Variants in FAM241A observed in about 807,000 individuals in gnomAD.
FAM241A encodes uncharacterized protein FAM241A.
Under a neutral mutation model 12.2 loss-of-function variants are expected in FAM241A, and 7 were observed. That is an observed-to-expected ratio of 0.58 (90% CI 0.33 to 1.08). FAM241A has a LOEUF of 1.08. Among genes scored for constraint, FAM241A ranks in the 50% least tolerant of loss-of-function variants. The probability of loss-of-function intolerance (pLI) is 0.04; values close to 1 mark genes in which losing one functional copy is unlikely to be tolerated. For missense variants in FAM241A, 161 were observed against 169.7 expected (o/e 0.95, Z 0.29); for synonymous variants, 74 against 68.2 (o/e 1.08, Z -0.42).
chr4:112,153,231 C>T (rs750692470), intron 1 of FAM241A, among the ~76,000 whole-genome samples: 4 of 152,070 alleles, frequency 2.6e-5, no homozygotes, highest in Non-Finnish European at 4.4e-5. Context: ...CCTTGTTGCT[C>T]ACTAATCCTT....
At chr4:112,175,389 C>A (rs550379596) in intron 1 of FAM241A, among the ~76,000 whole-genome samples, 5 of 152,040 alleles carry the variant, frequency 3.3e-5, no homozygotes, top group Admixed American at 6.5e-5. Flanking sequence ...ACAGAAAAAA[C>A]CTGTCTCTTT....
chr4:112,151,081 G>A (rs1723237610), intron 1 of FAM241A, among the ~76,000 whole-genome samples: 1 of 152,206 alleles, frequency 6.6e-6, no homozygotes, highest in Non-Finnish European at 1.5e-5. Context: ...ATACTGAAAT[G>A]TGATCTACAG....
At chr4:112,180,617 GTATAAAATTGC>G (rs1488623138) in intron 1 of FAM241A, among the ~76,000 whole-genome samples, 10 of 151,900 alleles carry the variant, frequency 6.6e-5, no homozygotes, top group Admixed American at 6.6e-4. Flanking sequence ...AAATGATGTG[GTATAAAATTGC>G]TATAAAAGTT....
rs1030388857 is a variant in FAM241A at position 112,193,481 on chromosome 4, G to T, written c.*6543G>T. 2 of 152,170 alleles carry T rather than the reference G, an allele frequency of 1.3e-5. No individual in the cohort carries two copies. The highest frequency in any genetic ancestry group is 4.8e-5 in the African/African-American group (2 of 41,432). 9.4% of individuals were successfully genotyped at this position (152,170 alleles called of 1,614,324 possible). ...TCTTCTAGGGTTTTTATGGTTTTAG[G>T]TCTGACATGTAAGTCTTTAATCCAT... is the stretch of plus-strand genomic sequence containing the variant. On this transcript the variant is annotated 3_prime_UTR_variant, in exon 2 of 2. Transcript: ENST00000309733.
chr4:112,159,793 A>G (rs1205374232), intron 1 of FAM241A, among the ~76,000 whole-genome samples: 4 of 152,236 alleles, frequency 2.6e-5, no homozygotes, highest in African/African-American at 7.2e-5. Context: ...AACAAAAGCC[A>G]CATATGACAG....
chr4:112,170,184 G>A (rs899911367), intron 1 of FAM241A, among the ~76,000 whole-genome samples: 16 of 151,986 alleles, frequency 1.1e-4, no homozygotes, highest in Non-Finnish European at 2.2e-4. Flanking sequence ...TTCCATGATC[G>A]TTGGAGCACA....
chr4:112,155,450 T>C (rs1723332841), intron 1 of FAM241A, among the ~76,000 whole-genome samples: 3 of 152,016 alleles, frequency 2.0e-5, no homozygotes, highest in Admixed American at 1.3e-4. Context: ...TGTAGTTTAG[T>C]GGGAGGTAAG....
intron 1 of FAM241A, among the ~76,000 whole-genome samples, chr4:112,151,347 G>A (rs1723241513): frequency 6.6e-6 from 1 of 152,144 alleles, no homozygotes. Flanking sequence ...AGAAGGAGAT[G>A]CCAGCACTAT....
At chr4:112,159,631 C>A (rs1723420679) in intron 1 of FAM241A, among the ~76,000 whole-genome samples, 1 of 147,942 alleles carries the variant, frequency 6.8e-6, no homozygotes, top group South Asian at 2.1e-4. Flanking sequence ...TCAACATACA[C>A]AAATCAATCA....
intron 1 of FAM241A, among the ~76,000 whole-genome samples, chr4:112,184,879 G>T (rs749335650): frequency 6.6e-6 from 1 of 152,092 alleles, no homozygotes; most frequent in Non-Finnish European, 1.5e-5. Context: ...TGACTGAAAT[G>T]ATCAAGCTTT....
rs545844270 is a variant in FAM241A, at chr4:112,154,809, G to A, written c.153+9076G>A. On this transcript the variant is annotated intron_variant, in intron 1 of 1. Transcript: ENST00000309733. ...GCACTTTGGGAGGCTGAGGTGGGCG[G>A]GTCACCTGAGGCCAGGAGTTCGAGA... 8.7e-4 allele frequency among the ~76,000 whole-genome samples: 132 copies of A among 152,126 alleles called. 1 individual carries two copies. Among genetic ancestry groups the A allele is most frequent in the Middle Eastern group, 3.4e-3 (1 of 294 alleles).
chr4:112,162,786 C>T (rs529489666), intron 1 of FAM241A, among the ~76,000 whole-genome samples: 2 of 152,306 alleles, frequency 1.3e-5, no homozygotes, highest in African/African-American at 4.8e-5. Context: ...CAATGACTTT[C>T]TTCACAGAAT....
chr4:112,176,735 A>G (rs188944635), intron 1 of FAM241A, among the ~76,000 whole-genome samples: 5 of 152,320 alleles, frequency 3.3e-5, no homozygotes, highest in Admixed American at 3.3e-4. Context: ...GTCTTTAATC[A>G]TGGACCAAAA....
At chr4:112,155,670 T>C (rs896023356) in intron 1 of FAM241A, among the ~76,000 whole-genome samples, 2 of 152,068 alleles carry the variant, frequency 1.3e-5, no homozygotes, top group Non-Finnish European at 2.9e-5. Flanking sequence ...TAGAAAAATA[T>C]GTCCAGCCTC....
chr4:112,179,941 A>ATATG (rs1723898520), intron 1 of FAM241A, among the ~76,000 whole-genome samples: 1 of 124,418 alleles, frequency 8.0e-6, no homozygotes, highest in African/African-American at 2.9e-5. Context: ...ATATATATGT[A>ATATG]TATGTGTGTG....
In FAM241A at chr4:112,190,153, CA is replaced by C. The variant is rs1724135851; in HGVS notation, c.*3217del. 1 of 137,012 alleles carries C rather than the reference CA, an allele frequency of 7.3e-6. No homozygotes were observed. The highest frequency in any genetic ancestry group is 2.0e-4 in the East Asian group (1 of 4,988). The allele number at this position is 137,012 out of a possible 1,614,324, so 8.5% of individuals were successfully genotyped here. Reference sequence around the variant, plus strand: ...GTAAATCCACTAAAGACTATCCAGGCAATCAGGAAAGGCAAAACTTACAGAA... The same window carrying C: ...GTAAATCCACTAAAGACTATCCAGGCATCAGGAAAGGCAAAACTTACAGAA... On this transcript the variant is annotated 3_prime_UTR_variant, in exon 2 of 2. Transcript: ENST00000309733.
intron 1 of FAM241A, among the ~76,000 whole-genome samples, chr4:112,177,160 T>A (rs1247227418): frequency 6.6e-6 from 1 of 152,206 alleles, no homozygotes; most frequent in African/African-American, 2.4e-5. Context: ...TTGTACAGGA[T>A]GAAAATGAGA....
chr4:112,152,054 C>T (rs1276998772), intron 1 of FAM241A, among the ~76,000 whole-genome samples: 1 of 152,186 alleles, frequency 6.6e-6, no homozygotes, highest in Non-Finnish European at 1.5e-5. Flanking sequence ...TTGAATTCTG[C>T]CCTAACTTAA....
chr4:112,188,746 T>C lies in FAM241A; in HGVS notation c.*1808T>C, dbSNP rs1332098082. ...TTTCCTTTGCAACACATAAATGATA[T>C]GATGTACAAAATAACAGCTCTGGTT... is the stretch of plus-strand genomic sequence containing the variant. On this transcript the variant is annotated 3_prime_UTR_variant, in exon 2 of 2. Transcript: ENST00000309733. 6.6e-6 allele frequency: 1 copy of C among 152,212 alleles called. No individual in the cohort carries two copies. The highest frequency in any genetic ancestry group is 1.9e-4 in the East Asian group (1 of 5,192). 9.4% of individuals were successfully genotyped at this position (152,212 alleles called of 1,614,324 possible).
Sources: allele counts gnomAD v4.1 joint callset (sites outside exome capture counted in the v4.1 genomes callset), GRCh38; gene constraint gnomAD v4.1.1; transcripts MANE v1.5; gene names NCBI Gene and HGNC (gene_info 2026-07-23, HGNC 2026-07-21).